Variants in KHDRBS3 observed in about 807,000 individuals in gnomAD.
The protein encoded by KHDRBS3 is KH domain-containing, RNA-binding, signal transduction-associated protein 3.
A neutral mutation model predicts 45.6 loss-of-function variants in KHDRBS3; 23 were observed. That is an observed-to-expected ratio of 0.50 (90% CI 0.36 to 0.72). The LOEUF is 0.72. Among genes scored for constraint, KHDRBS3 ranks in the 30% least tolerant of loss-of-function variants. KHDRBS3 has a pLI of 0.00. For missense variants in KHDRBS3, 352 were observed against 424.8 expected (o/e 0.83, Z 1.51); for synonymous variants, 162 against 156.5 (o/e 1.04, Z -0.26).
intron 1 of KHDRBS3, among the ~76,000 whole-genome samples, chr8:135,470,410 A>T (rs1189734130): frequency 2.0e-5 from 3 of 151,902 alleles, no homozygotes; most frequent in Admixed American, 2.0e-4. Flanking sequence ...TTGGTGTACC[A>T]CCCATTCAGA....
At chr8:135,575,349 C>G (rs941843630) in intron 5 of KHDRBS3, among the ~76,000 whole-genome samples, 1 of 152,126 alleles carries the variant, frequency 6.6e-6, no homozygotes, top group East Asian at 1.9e-4. Context: ...CCATAGAGCT[C>G]GTGGCTCACT....
chr8:135,585,483 C>T (rs984789109), intron 6 of KHDRBS3, among the ~76,000 whole-genome samples: 1 of 152,030 alleles, frequency 6.6e-6, no homozygotes, highest in African/African-American at 2.4e-5. Context: ...CTTCCTCCCA[C>T]CCACCACACT....
intron 1 of KHDRBS3, among the ~76,000 whole-genome samples, chr8:135,491,042 A>G (rs1823124523): frequency 6.6e-6 from 1 of 152,166 alleles, no homozygotes. Flanking sequence ...GTTGCTGAAA[A>G]TGTGACTTCA....
chr8:135,532,125 A>G (rs1370735139), intron 2 of KHDRBS3, among the ~76,000 whole-genome samples: 1 of 152,178 alleles, frequency 6.6e-6, no homozygotes, highest in Non-Finnish European at 1.5e-5. Context: ...TGTGAATGCC[A>G]TGGTCCCAAG....
intron 6 of KHDRBS3, among the ~76,000 whole-genome samples, chr8:135,588,649 AG>A (rs1490014573): frequency 6.6e-6 from 1 of 152,132 alleles, no homozygotes; most frequent in African/African-American, 2.4e-5. Context: ...TGTGATGGAA[AG>A]GGGCTTTATG....
chr8:135,577,850 A>T (rs548542226), intron 5 of KHDRBS3, among the ~76,000 whole-genome samples: 1 of 152,240 alleles, frequency 6.6e-6, no homozygotes, highest in Non-Finnish European at 1.5e-5. Flanking sequence ...ACTATGTTGC[A>T]TTCCAGGCAG....
chr8:135,564,705 G>A (rs1050458946), intron 5 of KHDRBS3, among the ~76,000 whole-genome samples: 7 of 151,964 alleles, frequency 4.6e-5, no homozygotes, highest in African/African-American at 9.7e-5. Context: ...TGCCTCCTTC[G>A]TTTGTATTTT....
intron 1 of KHDRBS3, among the ~76,000 whole-genome samples, chr8:135,497,306 T>C (rs1823503675): frequency 6.6e-6 from 1 of 152,156 alleles, no homozygotes; most frequent in Non-Finnish European, 1.5e-5. Flanking sequence ...TCGGAAATGC[T>C]CCGGCAGTCC....
chr8:135,622,145 TC>T (rs1158072676), intron 7 of KHDRBS3, among the ~76,000 whole-genome samples: 2 of 152,188 alleles, frequency 1.3e-5, no homozygotes, highest in Non-Finnish European at 2.9e-5. Flanking sequence ...GATTATTTGA[TC>T]AATGTCTGTC....
At chr8:135,577,819 ACTGT>A (rs1250008925) in intron 5 of KHDRBS3, among the ~76,000 whole-genome samples, 5 of 152,330 alleles carry the variant, frequency 3.3e-5, no homozygotes, top group African/African-American at 9.6e-5. Context: ...AAATTGCCAA[ACTGT>A]CTAAGTGGCT....
chr8:135,651,607 G>A (rs928696200), downstream of KHDRBS3, among the ~76,000 whole-genome samples: 1 of 152,016 alleles, frequency 6.6e-6, no homozygotes, highest in African/African-American at 2.4e-5. Context: ...CTTTAAGCTT[G>A]GCCTACTCCA....
At chr8:135,628,429 A>G (rs923468829) in intron 7 of KHDRBS3, among the ~76,000 whole-genome samples, 1 of 152,174 alleles carries the variant, frequency 6.6e-6, no homozygotes, top group Non-Finnish European at 1.5e-5. Flanking sequence ...AAGTGGTGAG[A>G]GCTTGTTTTC....
chr8:135,516,785 G>T (rs1301802427), intron 1 of KHDRBS3, among the ~76,000 whole-genome samples: 1 of 152,134 alleles, frequency 6.6e-6, no homozygotes, highest in Non-Finnish European at 1.5e-5. Context: ...GGATAATTTT[G>T]TGAGTAATAT....
intron 1 of KHDRBS3, among the ~76,000 whole-genome samples, chr8:135,510,250 A>T (rs977949629): frequency 2.0e-5 from 3 of 152,204 alleles, no homozygotes; most frequent in Non-Finnish European, 2.9e-5. Context: ...GGTGTTAGCC[A>T]CAGTGCCTGG....
chr8:135,504,643 C>A (rs1823900360), intron 1 of KHDRBS3, among the ~76,000 whole-genome samples: 1 of 152,176 alleles, frequency 6.6e-6, no homozygotes, highest in South Asian at 2.1e-4. Context: ...GTTATATATT[C>A]ATAGAAATTT....
At chr8:135,639,884 C>G (rs1429755681) in intron 7 of KHDRBS3, among the ~76,000 whole-genome samples, 1 of 152,316 alleles carries the variant, frequency 6.6e-6, no homozygotes, top group East Asian at 1.9e-4. Context: ...CACCAGGCCC[C>G]ACCTCCAACA....
chr8:135,569,272 A>G (rs1053602940), intron 5 of KHDRBS3, among the ~76,000 whole-genome samples: 1 of 152,230 alleles, frequency 6.6e-6, no homozygotes, highest in Non-Finnish European at 1.5e-5. Flanking sequence ...TCTGACGTGC[A>G]CTGAAATGAA....
chr8:135,520,268 C>T (rs925267570), intron 1 of KHDRBS3, among the ~76,000 whole-genome samples: 6 of 152,136 alleles, frequency 3.9e-5, no homozygotes, highest in African/African-American at 7.2e-5. Context: ...GTTCTTTATC[C>T]TTCTCTGAAC....
intron 7 of KHDRBS3, among the ~76,000 whole-genome samples, chr8:135,638,221 A>G (rs1251391101): frequency 3.3e-5 from 5 of 152,274 alleles, no homozygotes; most frequent in Admixed American, 6.5e-5. Flanking sequence ...TCTGCCTCCA[A>G]CTCAGTAGTT....
Sources: allele counts gnomAD v4.1 joint callset (sites outside exome capture counted in the v4.1 genomes callset), GRCh38; gene constraint gnomAD v4.1.1; transcripts MANE v1.5; gene names NCBI Gene and HGNC (gene_info 2026-07-23, HGNC 2026-07-21).